The following MEIS1 variants were observed in gnomAD, a reference collection of about 807,000 sequenced individuals.
MEIS1 encodes Meis homeobox 1, also known as homeobox protein Meis1.
Under a neutral mutation model 50.8 loss-of-function variants are expected in MEIS1, and 5 were observed. That is an observed-to-expected ratio of 0.10 (90% CI 0.05 to 0.21). MEIS1 has a LOEUF of 0.21. Ranked by LOEUF, MEIS1 falls within the 10% of genes least tolerant of loss-of-function variation. The pLI is 1.00. For synonymous variants in MEIS1, 176 were observed against 179.3 expected (o/e 0.98, Z 0.15); for missense variants, 318 against 517.3 (o/e 0.61, Z 3.74).
intron 8 of MEIS1, among the ~76,000 whole-genome samples, chr2:66,513,852 C>T (rs530421352): frequency 2.1e-4 from 32 of 152,140 alleles, no homozygotes; most frequent in Non-Finnish European, 4.0e-4. Flanking sequence ...AAATTCCCCA[C>T]TGAGGATTAT....
chr2:66,536,878 TTC>T (rs147183784), intron 8 of MEIS1, among the ~76,000 whole-genome samples: 40 of 149,902 alleles, frequency 2.7e-4, no homozygotes, highest in Admixed American at 3.3e-4. Flanking sequence ...TTAAAGTGCA[TTC>T]TCTCTCTCTC....
chr2:66,543,714 A>G (rs1189477646), intron 8 of MEIS1, among the ~76,000 whole-genome samples: 3 of 152,216 alleles, frequency 2.0e-5, no homozygotes, highest in Non-Finnish European at 2.9e-5. Flanking sequence ...TGTAAGATCT[A>G]AAGGTAATTT....
intron 8 of MEIS1, 119 bp from the exon 9 acceptor site, chr2:66,547,824 T>C (rs542084267): frequency 6.9e-6 from 6 of 865,584 alleles, no homozygotes; most frequent in Non-Finnish European, 9.3e-6. Flanking sequence ...ATTCCATTAA[T>C]AAGAGTGACA....
chr2:66,465,178 T>C (rs1025895403), intron 7 of MEIS1, among the ~76,000 whole-genome samples: 4 of 152,200 alleles, frequency 2.6e-5, no homozygotes, highest in Non-Finnish European at 5.9e-5. Context: ...TACAATGAAT[T>C]TAGTGTGATT....
intron 8 of MEIS1, among the ~76,000 whole-genome samples, chr2:66,537,881 C>A (rs1674559258): frequency 6.6e-6 from 1 of 152,170 alleles, no homozygotes; most frequent in African/African-American, 2.4e-5. Flanking sequence ...TGAAAAAGAT[C>A]CTTACTTTAT....
At chr2:66,520,437 G>T in intron 8 of MEIS1, among the ~76,000 whole-genome samples, 1 of 151,352 alleles carries the variant, frequency 6.6e-6, no homozygotes, top group African/African-American at 2.4e-5. Flanking sequence ...GCCAAGATTG[G>T]GCTACTGCAC....
intron 9 of MEIS1, among the ~76,000 whole-genome samples, chr2:66,552,045 A>G (rs1341909636): frequency 2.0e-5 from 3 of 152,146 alleles, no homozygotes; most frequent in Non-Finnish European, 2.9e-5. Context: ...ACACACACAC[A>G]CACACACACA....
At chr2:66,526,032 T>A (rs1280424376) in intron 8 of MEIS1, among the ~76,000 whole-genome samples, 1 of 152,228 alleles carries the variant, frequency 6.6e-6, no homozygotes, top group Non-Finnish European at 1.5e-5. Context: ...CTCCAGGAGA[T>A]CCTTTTGTAT....
intron 12 of MEIS1, chr2:66,569,347 T>C (rs965591840): frequency 6.4e-6 from 3 of 467,438 alleles, no homozygotes; most frequent in African/African-American, 5.9e-5. Flanking sequence ...ACATTTATCC[T>C]GTGTGTTGCT....
chr2:66,525,086 G>A (rs1050132287), intron 8 of MEIS1, among the ~76,000 whole-genome samples: 1 of 151,972 alleles, frequency 6.6e-6, no homozygotes, highest in East Asian at 1.9e-4. Context: ...GGCGGGGCAC[G>A]CTTGTAGTCC....
chr2:66,442,858 A>G, intron 5 of MEIS1, 44 bp from the exon 6 acceptor site: 1 of 1,526,102 alleles, frequency 6.6e-7, no homozygotes, highest in Non-Finnish European at 8.8e-7. Context: ...TCATTTATGC[A>G]CTCCTGATTA....
At chr2:66,461,300 G>A (rs1184365403) in intron 6 of MEIS1, among the ~76,000 whole-genome samples, 1 of 152,112 alleles carries the variant, frequency 6.6e-6, no homozygotes, top group Non-Finnish European at 1.5e-5. Flanking sequence ...CATGGATTTG[G>A]GGGGAGTTCG....
At chr2:66,510,203 A>G (rs1673792253) in intron 7 of MEIS1, among the ~76,000 whole-genome samples, 1 of 152,196 alleles carries the variant, frequency 6.6e-6, no homozygotes, top group African/African-American at 2.4e-5. Flanking sequence ...TGCTTCTCTG[A>G]ATAAAAAGGC....
At chr2:66,470,514 T>G (rs1018959580) in intron 7 of MEIS1, among the ~76,000 whole-genome samples, 1 of 152,212 alleles carries the variant, frequency 6.6e-6, no homozygotes, top group Non-Finnish European at 1.5e-5. Context: ...AGTAACAGTG[T>G]TCTGGTTTCC....
intron 7 of MEIS1, among the ~76,000 whole-genome samples, chr2:66,475,312 TAATA>T (rs1374300693): frequency 1.7e-3 from 245 of 146,514 alleles, no homozygotes; most frequent in African/African-American, 5.8e-3. Flanking sequence ...TATATTTATT[TAATA>T]AATAACATAT....
chr2:66,571,425 G>C lies in MEIS1; in HGVS notation c.*217G>C. On this transcript the variant is annotated 3_prime_UTR_variant, in exon 13 of 13. Transcript: ENST00000272369. ...CCACCCAACAGTGATGATGCATGGA[G>C]GACCGCCCCACCCTGGAATGCCAAT... 1.2e-6 allele frequency: 2 copies of C among 1,606,204 alleles called. No homozygotes were observed. The highest frequency in any genetic ancestry group is 1.7e-6 in the Non-Finnish European group (2 of 1,176,588).
At chr2:66,482,424 A>G (rs1316563817) in intron 7 of MEIS1, among the ~76,000 whole-genome samples, 3 of 152,160 alleles carry the variant, frequency 2.0e-5, no homozygotes, top group Non-Finnish European at 4.4e-5. Context: ...CAGGTTTCTC[A>G]ATTGCAACAA....
At chr2:66,556,018 G>A (rs905604696) in intron 9 of MEIS1, among the ~76,000 whole-genome samples, 3 of 151,814 alleles carry the variant, frequency 2.0e-5, no homozygotes, top group Admixed American at 6.6e-5. Flanking sequence ...GTTCTGCTTC[G>A]TTTTTGATTT....
At chr2:66,440,029 C>T (rs200309900) in intron 3 of MEIS1, 45 bp downstream of exon 3, 3 of 1,541,734 alleles carry the variant, frequency 1.9e-6, no homozygotes, top group African/African-American at 1.4e-5. Flanking sequence ...AAAAAGAGAG[C>T]CCCCCCTTCG....
Sources: gnomAD v4.1 joint callset for allele counts (sites outside exome capture counted in the v4.1 genomes callset) on GRCh38, gnomAD v4.1.1 for gene constraint, MANE v1.5 for transcripts, NCBI Gene and HGNC (gene_info 2026-07-23, HGNC 2026-07-21) for gene names.